ADSL: variants seen among roughly 807,000 people sequenced by gnomAD.
ADSL encodes the protein adenylosuccinase.
Under a neutral mutation model 62.1 loss-of-function variants are expected in ADSL, and 44 were observed. The observed-to-expected ratio is 0.71, with a 90% CI of 0.56 to 0.91. The LOEUF (loss-of-function observed/expected upper bound fraction) is 0.91, where lower values mean the gene tolerates loss of function less well. Among genes scored for constraint, ADSL ranks in the 40% least tolerant of loss-of-function variants. ADSL has a pLI of 0.00. For missense variants in ADSL, 531 were observed against 627.4 expected (o/e 0.85, Z 1.64); for synonymous variants, 198 against 220.5 (o/e 0.90, Z 0.90).
chr22:40,378,461 G>A, intron 2 of ADSL, among the ~76,000 whole-genome samples: 1 of 151,460 alleles, frequency 6.6e-6, no homozygotes, highest in South Asian at 2.1e-4. Flanking sequence ...GGGCACGGTG[G>A]CTGATGCCTG....
At chr22:40,356,387 T>C (rs978848493) in intron 4 of ADSL, among the ~76,000 whole-genome samples, 2 of 151,102 alleles carry the variant, frequency 1.3e-5, no homozygotes, top group Non-Finnish European at 2.9e-5. Flanking sequence ...ATAACACAAA[T>C]AGCTGGGTGT....
At chr22:40,374,317 C>T (rs1015025435), downstream of ADSL, among the ~76,000 whole-genome samples, 1 of 152,200 alleles carries the variant, frequency 6.6e-6, no homozygotes, top group African/African-American at 2.4e-5. Context: ...TGTCACTGGA[C>T]TGCCACCAGA....
At chr22:40,371,127 C>T (rs1373404782), downstream of ADSL, among the ~76,000 whole-genome samples, 2 of 152,234 alleles carry the variant, frequency 1.3e-5, no homozygotes, top group East Asian at 1.9e-4. Context: ...AGATTCAGAT[C>T]CAGGTGCAGA....
At chr22:40,360,374 C>T in intron 6 of ADSL, 28 bp from the exon 7 acceptor site, 1 of 1,583,340 alleles carries the variant, frequency 6.3e-7, no homozygotes, top group African/African-American at 1.3e-5. Flanking sequence ...AATATTTTAA[C>T]CTAAGTCTCT....
At position 40,354,429 on chromosome 22, in the gene ADSL, A is replaced by T. The variant is rs770205061; in HGVS notation, c.482+102A>T. On this transcript the variant is annotated intron_variant, in intron 4 of 12. Coordinates refer to ENST00000623063, the MANE Select transcript of ADSL (RefSeq NM_000026.4). The stretch of plus-strand genomic sequence containing the variant: ...ACCTTGAGGTGAAGAATCTGAAAAC[A>T]TGATTTAAATATAAGTAATTTGGGA... The T allele has an allele frequency of 3.2e-6, 3 of 928,908 alleles. No homozygotes were observed. The African/African-American group carries it at 4.9e-5, about 15-fold the overall frequency. The allele number at this position is 928,908 out of a possible 1,614,324, so 57.5% of individuals were successfully genotyped here.
At chr22:40,374,804 C>T (rs1187847968) in intron 2 of ADSL, among the ~76,000 whole-genome samples, 2 of 152,180 alleles carry the variant, frequency 1.3e-5, no homozygotes, top group Non-Finnish European at 2.9e-5. Context: ...TGCTTGGGCT[C>T]AGCTCAGGAG....
intron 9 of ADSL, 60 bp from the exon 10 acceptor site, chr22:40,362,921 C>T (rs2044849766): frequency 6.9e-7 from 1 of 1,451,624 alleles, no homozygotes; most frequent in Non-Finnish European, 9.7e-7. Context: ...TTGGGACACA[C>T]ACTGCATTTC....
Position 40,358,986 on chromosome 22 carries a change from C to T in ADSL, c.605C>T (p.Thr202Ile). The change falls in exon 5 of 13, where the codon ACT becomes ATT. Residue 202 changes from threonine to isoleucine, a missense_variant. By Grantham distance (89) the Thr-to-Ile change is moderately conservative (BLOSUM62 -1). Around this residue, in one of 2 missense-constraint regions of ADSL, gnomAD observed 471 missense variants for 592.9 expected, o/e 0.79. Transcript: ENST00000623063. ...DLRFRGVKGT[T>I]GTQASFLQLF... Reference sequence around the variant, plus strand: ...CGCTTCCGGGGAGTAAAGGGTACCACTGGCACTCAGGCCAGTTTCCTGCAG... The same window carrying T: ...CGCTTCCGGGGAGTAAAGGGTACCATTGGCACTCAGGCCAGTTTCCTGCAG... The T allele has an allele frequency of 6.2e-7, 1 of 1,614,214 alleles. No homozygotes were observed. The highest frequency in any genetic ancestry group is 8.5e-7 in the Non-Finnish European group (1 of 1,180,050).
chr22:40,349,768 G>A (rs576810607), intron 1 of ADSL, 64 bp from the exon 2 acceptor site: 1 of 1,439,948 alleles, frequency 6.9e-7, no homozygotes, highest in African/African-American at 1.4e-5. Flanking sequence ...TTTTTCCTTG[G>A]TGTCACTTCA....
chr22:40,348,438 C>T (rs2044223362), intron 1 of ADSL: 1 of 398,522 alleles, frequency 2.5e-6, no homozygotes, highest in Non-Finnish European at 4.4e-6. Flanking sequence ...GGCTGGAGTG[C>T]AGTGGCACAA....
At chr22:40,353,489 G>A in intron 3 of ADSL, 1 of 686,918 alleles carries the variant, frequency 1.5e-6, no homozygotes, top group Non-Finnish European at 2.7e-6. Flanking sequence ...TTGCCATGTT[G>A]CCCAGGCTGG....
At chr22:40,373,218 TTGTC>T (rs2045918731), downstream of ADSL, 1 of 152,226 alleles carries the variant, frequency 6.6e-6, no homozygotes, top group Non-Finnish European at 1.5e-5. Flanking sequence ...CTCTGCTCTT[TTGTC>T]TGTGCTGTAC....
At position 40,361,634 on chromosome 22, in the gene ADSL, C is replaced by T. The variant is rs761493155; in HGVS notation, c.1009C>T (p.Arg337Ter). 1.9e-6 allele frequency: 3 copies of T among 1,612,988 alleles called. No individual in the cohort carries two copies. The highest frequency in any genetic ancestry group is 2.5e-6 in the Non-Finnish European group (3 of 1,180,022). Residue 337 changes from arginine to a stop codon, truncating the protein, a stop_gained and splice_region_variant, in exon 9 of 13, where the codon CGA becomes TGA. Transcript: ENST00000623063. LOFTEE classifies it high-confidence loss of function. ...FERTLDDSAN[R>*]RICLAEAFLT... ...ACGCACACTGGATGATAGTGCCAAC[C>T]GGTCAGTGGCACAGGGACATCACAT... is the stretch of plus-strand genomic sequence containing the variant.
At position 40,356,259 on chromosome 22, in the gene ADSL, G is replaced by A. The variant is rs139090564; in HGVS notation, c.482+1932G>A. Among the ~76,000 whole-genome samples the A allele has an allele frequency of 6.9e-3, 1,037 of 150,570 alleles. 4 individuals carry two copies. Among genetic ancestry groups the A allele is most frequent in the Non-Finnish European group, 0.012 (822 of 67,628 alleles). On this transcript the variant is annotated intron_variant, in intron 4 of 12. Transcript: ENST00000623063. ...GGCTGGGCGGTTAGGCTGGGCAGCC[G>A]GGCGCAGTGGATCGTGCCTGTAATC...
At chr22:40,353,164 T>A in intron 3 of ADSL, 47 bp downstream of exon 3, 1 of 1,455,682 alleles carries the variant, frequency 6.9e-7, no homozygotes, top group South Asian at 1.1e-5. Flanking sequence ...TTCCCTATGT[T>A]AGGAGATAGG....
At chr22:40,369,437 TAC>T (rs1429417675), downstream of ADSL, 3 of 147,920 alleles carry the variant, frequency 2.0e-5, no homozygotes, top group Non-Finnish European at 4.5e-5. Flanking sequence ...ATATAAAATA[TAC>T]ATTCATATAT....
At chr22:40,353,963 G>A (rs1395166644) in intron 3 of ADSL, 5 of 500,410 alleles carry the variant, frequency 1.0e-5, no homozygotes, top group Non-Finnish European at 1.8e-5. Flanking sequence ...TGCAACCAAA[G>A]GCATGTTGCT....
At chr22:40,375,689 A>C (rs548520468) in intron 2 of ADSL, among the ~76,000 whole-genome samples, 3 of 151,832 alleles carry the variant, frequency 2.0e-5, no homozygotes, top group Non-Finnish European at 2.9e-5. Flanking sequence ...CACTACAACA[A>C]AATTATGTGA....
At position 40,364,373 on chromosome 22, in the gene ADSL, A is replaced by AC. The variant is rs1383604211; in HGVS notation, c.1191+12dup. ...GCTGGAGGTAGCCGCCAGGTTTGTA[A>AC]CCCCTCATGTTCCTGGATAAGTTGA... On this transcript the variant is annotated intron_variant, in intron 11 of 12. Transcript: ENST00000623063. The AC allele has an allele frequency of 1.9e-6, 3 of 1,612,610 alleles. No individual in the cohort carries two copies. The African/African-American group carries it at 4.0e-5, about 22-fold the overall frequency.
Sources: gnomAD v4.1 joint callset for allele counts (sites outside exome capture counted in the v4.1 genomes callset) on GRCh38, gnomAD v4.1.1 for gene constraint, gnomAD v4.1.1 regional missense constraint, MANE v1.5 for transcripts, NCBI Gene and HGNC (gene_info 2026-07-23, HGNC 2026-07-21) for gene names.